The following CPAMD8 variants were observed in gnomAD, a reference collection of about 807,000 sequenced individuals.
The protein encoded by CPAMD8 is C3 and PZP like alpha-2-macroglobulin domain containing 8.
A neutral mutation model predicts 224.7 loss-of-function variants in CPAMD8; 146 were observed. The observed-to-expected ratio is 0.65, with a 90% confidence interval of 0.57 to 0.75. The LOEUF (loss-of-function observed/expected upper bound fraction) is 0.75, where lower values mean the gene tolerates loss of function less well. Ranked by LOEUF, CPAMD8 falls within the 30% of genes least tolerant of loss-of-function variation. The pLI, the probability that CPAMD8 is intolerant of heterozygous loss-of-function variation, is 0.00. For synonymous variants in CPAMD8, 966 were observed against 1,044.6 expected (o/e 0.92, Z 1.45); for missense variants, 2,301 against 2,537.5 (o/e 0.91, Z 2.00).
chr19:16,946,675 T>C (rs2054109130), intron 21 of CPAMD8, among the ~76,000 whole-genome samples: 2 of 148,154 alleles, frequency 1.3e-5, no homozygotes, highest in Non-Finnish European at 3.0e-5. Context: ...TGTGTGTATA[T>C]GCATGTCTAC....
intron 17 of CPAMD8, 69 bp from the exon 18 acceptor site, chr19:16,971,102 G>T: frequency 7.3e-7 from 1 of 1,374,484 alleles, no homozygotes; most frequent in Non-Finnish European, 9.9e-7. Context: ...AAGCATAAGG[G>T]AATGAATCAC....
At chr19:16,964,938 A>C (rs1052828405) in intron 18 of CPAMD8, among the ~76,000 whole-genome samples, 3 of 152,124 alleles carry the variant, frequency 2.0e-5, no homozygotes, top group Non-Finnish European at 4.4e-5. Context: ...CCATTGACAA[A>C]AACCACATGA....
chr19:17,007,027 A>G (rs1039224727), intron 7 of CPAMD8, among the ~76,000 whole-genome samples: 3 of 152,164 alleles, frequency 2.0e-5, no homozygotes, highest in Non-Finnish European at 4.4e-5. Context: ...GACAGGGAAG[A>G]TGGAACAGAA....
rs779452403 is a variant in CPAMD8 at position 16,903,681 on chromosome 19, C to A, written c.4407+21G>T. The A allele has an allele frequency of 5.0e-6, 8 of 1,613,956 alleles. No individual in the cohort carries two copies. In the Admixed American group the frequency reaches 8.3e-5, roughly 17 times the overall value. On this transcript the variant is annotated intron_variant, in intron 33 of 41. Coordinates refer to ENST00000443236, the MANE Select transcript of CPAMD8 (RefSeq NM_015692.5). ...ACCCCTCCTCCAACAACCCCCAAACCCTCATCCCAGGAACACGCACCGCTG... is the reference window on the plus strand; with the variant it reads ...ACCCCTCCTCCAACAACCCCCAAACACTCATCCCAGGAACACGCACCGCTG...
rs541832116 is a variant in CPAMD8, at chr19:16,928,998, G to A, written c.3088C>T (p.Leu1030Phe). The A allele has an allele frequency of 6.2e-7, 1 of 1,614,088 alleles. No homozygotes were observed. The highest frequency in any genetic ancestry group is 2.2e-5 in the East Asian group (1 of 44,878). ...AATGTTCTGAATTCATCCCAGGAGA[G>A]GATCTTGGCCGTGTGTGCACTGGCC... Reference protein sequence around the residue: ...PVASAHTAKILSWDEFRTFWI... With the variant: ...PVASAHTAKIFSWDEFRTFWI... The change falls in exon 24 of 42, where the codon CTC becomes TTC. Residue 1030 changes from leucine (L) to phenylalanine (F), a missense_variant. Coordinates refer to ENST00000443236, the MANE Select transcript of CPAMD8 (RefSeq NM_015692.5).
intron 23 of CPAMD8, among the ~76,000 whole-genome samples, chr19:16,932,644 A>C (rs2053579001): frequency 6.6e-6 from 1 of 151,498 alleles, no homozygotes; most frequent in African/African-American, 2.4e-5. Context: ...AAAATAACCC[A>C]ATCAGACAAA....
intron 17 of CPAMD8, among the ~76,000 whole-genome samples, chr19:16,971,546 T>C (rs1006527517): frequency 3.3e-5 from 5 of 151,810 alleles, no homozygotes; most frequent in Admixed American, 6.6e-5. Flanking sequence ...GGCAAATCCA[T>C]AGAGACAGAA....
intron 11 of CPAMD8, among the ~76,000 whole-genome samples, chr19:16,994,247 T>C (rs8107156): frequency 0.19 from 28,177 of 152,190 alleles, 2,921 homozygotes; most frequent in African/African-American, 0.28. Context: ...TTCATGCCCT[T>C]GGATTTGGCA....
chr19:16,939,585 C>T lies in CPAMD8; in HGVS notation c.2794-1139G>A, dbSNP rs796386937. On this transcript the variant is annotated intron_variant, in intron 22 of 41. Transcript: ENST00000443236. ...TAGCTGGTTAAACACTCTATCTGGG[C>T]GCGTCCAGGAAGTGCTTCTGCAAGA... 7.4e-4 allele frequency among the ~76,000 whole-genome samples: 112 copies of T among 152,216 alleles called. 1 individual carries two copies. The highest frequency in any genetic ancestry group is 2.5e-3 in the African/African-American group (104 of 41,522).
chr19:16,909,500 C>A (rs542448737), intron 29 of CPAMD8, among the ~76,000 whole-genome samples: 1 of 151,982 alleles, frequency 6.6e-6, no homozygotes, highest in Non-Finnish European at 1.5e-5. Context: ...GCCGAGATCG[C>A]GCCACTGTAC....
Position 16,901,947 on chromosome 19 carries a change from G to C in CPAMD8, c.4686-650C>G, listed in dbSNP as rs1035121858. 2.6e-5 allele frequency among the ~76,000 whole-genome samples: 4 copies of C among 152,234 alleles called. No individual in the cohort carries two copies. The East Asian group carries it at 7.7e-4, about 29-fold the overall frequency. On this transcript the variant is annotated intron_variant, in intron 35 of 41. Transcript: ENST00000443236. ...AGTCAAGGTCAGGGCAGCCGTTACC[G>C]GGGTAGCGGCTCTGATGGGCTGCGA...
chr19:16,977,820 T>C (rs1599832319), intron 14 of CPAMD8, among the ~76,000 whole-genome samples: 1 of 152,186 alleles, frequency 6.6e-6, no homozygotes, highest in Middle Eastern at 3.4e-3. Context: ...CCCTGCTCCC[T>C]GACCAGCCCT....
intron 2 of CPAMD8, among the ~76,000 whole-genome samples, chr19:17,020,850 C>T (rs897383622): frequency 6.6e-6 from 1 of 152,166 alleles, no homozygotes; most frequent in African/African-American, 2.4e-5. Context: ...TTTTTGCCTC[C>T]CAGCAACCAT....
At chr19:16,911,325 G>A (rs982718244) in intron 29 of CPAMD8, among the ~76,000 whole-genome samples, 7 of 151,760 alleles carry the variant, frequency 4.6e-5, no homozygotes, top group Non-Finnish European at 7.4e-5. Flanking sequence ...TGAACTGTGA[G>A]CATGTGAGGC....
At chr19:17,009,234 A>G in intron 6 of CPAMD8, 69 bp downstream of exon 6, 1 of 1,613,464 alleles carries the variant, frequency 6.2e-7, no homozygotes, top group Non-Finnish European at 8.5e-7. Context: ...GCGAAGACAG[A>G]CCAGATCTTG....
At chr19:17,008,400 C>T (rs2056551132) in intron 7 of CPAMD8, 105 bp downstream of exon 7, 4 of 1,376,678 alleles carry the variant, frequency 2.9e-6, no homozygotes, top group Non-Finnish European at 4.0e-6. Flanking sequence ...CCAGCTGGAG[C>T]AGCAGTGGGG....
At chr19:16,923,089 C>T (rs1254389607) in intron 26 of CPAMD8, among the ~76,000 whole-genome samples, 1 of 152,210 alleles carries the variant, frequency 6.6e-6, no homozygotes, top group Non-Finnish European at 1.5e-5. Context: ...GCTCAGAGAA[C>T]TGGTGGTGCC....
At chr19:16,918,152 GC>G in intron 27 of CPAMD8, among the ~76,000 whole-genome samples, 1 of 152,128 alleles carries the variant, frequency 6.6e-6, no homozygotes, top group East Asian at 1.9e-4. Flanking sequence ...CCACCACCAT[GC>G]CCAGCTAATT....
At chr19:16,901,884 C>G (rs1443346365) in intron 35 of CPAMD8, among the ~76,000 whole-genome samples, 2 of 152,144 alleles carry the variant, frequency 1.3e-5, no homozygotes, top group Non-Finnish European at 2.9e-5. Flanking sequence ...ATTTCCAGAA[C>G]TTTCTGAGAT....
Sources: gnomAD v4.1 joint callset for allele counts (sites outside exome capture counted in the v4.1 genomes callset) on GRCh38, gnomAD v4.1.1 for gene constraint, MANE v1.5 for transcripts, NCBI Gene and HGNC (gene_info 2026-07-23, HGNC 2026-07-21) for gene names.